The following CRADD variants were observed in gnomAD, a reference collection of about 807,000 sequenced individuals.
CRADD encodes CARD and death domain containing adaptor protein.
CRADD carries 9 observed loss-of-function variants against 15.5 expected under a neutral mutation model. The observed-to-expected ratio is 0.58, with a 90% CI of 0.35 to 1.01. The LOEUF (loss-of-function observed/expected upper bound fraction) is 1.01, where lower values mean the gene tolerates loss of function less well. Among genes scored for constraint, CRADD ranks in the 50% least tolerant of loss-of-function variants. The probability of loss-of-function intolerance (pLI) is 0.02; values close to 1 mark genes in which losing one functional copy is unlikely to be tolerated. For synonymous variants in CRADD, 118 were observed against 107.6 expected, an observed-to-expected ratio of 1.10 and a Z score of -0.60; for missense variants, 227 against 250.3, an observed-to-expected ratio of 0.91 and a Z score of 0.63.
chr12:93,871,570 C>A (rs1482684361), intron 2 of CRADD, among the ~76,000 whole-genome samples: 1 of 152,134 alleles, frequency 6.6e-6, no homozygotes, highest in Non-Finnish European at 1.5e-5. Flanking sequence ...CTCCCCACGA[C>A]CTTCCCAGCC....
At chr12:93,724,150 T>G (rs560600745) in intron 2 of CRADD, among the ~76,000 whole-genome samples, 2 of 151,944 alleles carry the variant, frequency 1.3e-5, no homozygotes, top group South Asian at 4.2e-4. Context: ...GAGGCCGAGG[T>G]GGGTAGATTA....
rs1389990107 is a variant in CRADD at position 93,824,654 on chromosome 12, T to G, written c.299-25316T>G. On this transcript the variant is annotated intron_variant, in intron 2 of 2. Transcript: ENST00000332896. The surrounding 1 kb of genome is among the most constrained non-coding windows in gnomAD (Gnocchi z 4.3). ...TCATTCTATGATACATTATCCGAGC[T>G]GAAGCTGAAACCTAGCCTTCTGCCG... is the stretch of plus-strand genomic sequence containing the variant. 6.6e-6 allele frequency among the ~76,000 whole-genome samples: 1 copy of G among 152,210 alleles called. No individual in the cohort carries two copies. Among genetic ancestry groups the G allele is most frequent in the African/African-American group, 2.4e-5 (1 of 41,456 alleles).
At chr12:93,787,115 C>T (rs1957286261) in intron 2 of CRADD, among the ~76,000 whole-genome samples, 1 of 146,908 alleles carries the variant, frequency 6.8e-6, no homozygotes, top group Non-Finnish European at 1.5e-5. Flanking sequence ...GCCCTTAGCA[C>T]ATTCTGCTGA....
intron 2 of CRADD, among the ~76,000 whole-genome samples, chr12:93,838,218 T>TTTG (rs1957999576): frequency 6.7e-6 from 1 of 148,918 alleles, no homozygotes; most frequent in African/African-American, 2.5e-5. Context: ...TTTGAGGTTT[T>TTTG]TTTTTTTTTT....
chr12:93,891,817 A>G (rs1958577958), intron 2 of CRADD, among the ~76,000 whole-genome samples: 2 of 152,154 alleles, frequency 1.3e-5, no homozygotes, highest in Non-Finnish European at 2.9e-5. Context: ...CGCACTTCTC[A>G]CCACACTGCC....
chr12:93,708,631 G>A (rs973999649), intron 2 of CRADD: 1 of 152,194 alleles, frequency 6.6e-6, no homozygotes, highest in East Asian at 1.9e-4. Context: ...TCTACTTCCT[G>A]TTCATCAACA....
intron 2 of CRADD, among the ~76,000 whole-genome samples, chr12:93,790,300 G>A (rs1013846760): frequency 1.3e-5 from 2 of 151,946 alleles, no homozygotes; most frequent in South Asian, 4.2e-4. Flanking sequence ...AGATAAACTT[G>A]AAACTCAACT....
intron 2 of CRADD, among the ~76,000 whole-genome samples, chr12:93,881,248 C>A (rs1958497875): frequency 6.6e-6 from 1 of 152,092 alleles, no homozygotes; most frequent in African/African-American, 2.4e-5. Flanking sequence ...AGACTGAGTC[C>A]TCTCAGAAAG....
At chr12:93,890,896 C>T (rs563815814) in intron 2 of CRADD, among the ~76,000 whole-genome samples, 20 of 151,630 alleles carry the variant, frequency 1.3e-4, no homozygotes, top group African/African-American at 3.9e-4. Flanking sequence ...ACTACAGGCA[C>T]GTGCCACACC....
intron 2 of CRADD, among the ~76,000 whole-genome samples, chr12:93,741,103 TAG>T (rs1224210929): frequency 2.0e-5 from 3 of 152,238 alleles, no homozygotes; most frequent in Non-Finnish European, 4.4e-5. Flanking sequence ...GGAGGAATGA[TAG>T]ATTTTGTGTA....
chr12:93,696,420 G>A (rs564686844), intron 2 of CRADD, among the ~76,000 whole-genome samples: 76 of 152,226 alleles, frequency 5.0e-4, no homozygotes, highest in South Asian at 1.4e-3. Context: ...AAGAAATACC[G>A]TCATTTGTGA....
chr12:93,827,928 C>T (rs534677460), intron 2 of CRADD, among the ~76,000 whole-genome samples: 1 of 152,164 alleles, frequency 6.6e-6, no homozygotes, highest in African/African-American at 2.4e-5. Context: ...CACTATTCTC[C>T]GTTTCTATGA....
chr12:93,766,844 G>A (rs1957031640), intron 2 of CRADD, among the ~76,000 whole-genome samples: 1 of 152,198 alleles, frequency 6.6e-6, no homozygotes, highest in Admixed American at 6.5e-5. Flanking sequence ...TATTCCTAGT[G>A]CCTAGAACAG....
At chr12:93,716,954 A>C (rs1364538784) in intron 2 of CRADD, among the ~76,000 whole-genome samples, 2 of 152,190 alleles carry the variant, frequency 1.3e-5, no homozygotes, top group African/African-American at 4.8e-5. Context: ...GAATTACCAA[A>C]CTGTCTTCCA....
intron 2 of CRADD, among the ~76,000 whole-genome samples, chr12:93,720,685 C>T (rs1956245311): frequency 1.3e-5 from 2 of 152,180 alleles, no homozygotes; most frequent in African/African-American, 4.8e-5. Context: ...TCTCTGATAA[C>T]CTTTCTTGCT....
intron 2 of CRADD, among the ~76,000 whole-genome samples, chr12:93,691,809 A>G (rs1639843700): frequency 6.6e-6 from 1 of 152,188 alleles, no homozygotes; most frequent in Non-Finnish European, 1.5e-5. Context: ...TAACTTCAAG[A>G]AAATCCAGAG....
At chr12:93,723,872 A>G (rs1380728364) in intron 2 of CRADD, among the ~76,000 whole-genome samples, 1 of 152,090 alleles carries the variant, frequency 6.6e-6, no homozygotes, top group Non-Finnish European at 1.5e-5. Flanking sequence ...GTTTCTGTTC[A>G]TCACATGGAA....
intron 2 of CRADD, among the ~76,000 whole-genome samples, chr12:93,858,685 G>T (rs990615058): frequency 9.9e-5 from 15 of 152,116 alleles, no homozygotes; most frequent in Non-Finnish European, 1.6e-4. Context: ...CCCCAAGATG[G>T]GTCATAGAAA....
At chr12:93,686,396 A>G (rs1955443919) in intron 2 of CRADD, among the ~76,000 whole-genome samples, 2 of 151,974 alleles carry the variant, frequency 1.3e-5, no homozygotes, top group African/African-American at 4.8e-5. Flanking sequence ...TTTAATTTAA[A>G]AAGAAAGACA....
Sources: gnomAD v4.1 joint callset for allele counts (sites outside exome capture counted in the v4.1 genomes callset) on GRCh38, gnomAD v4.1.1 for gene constraint, Gnocchi (gnomAD v3.1) non-coding constraint, MANE v1.5 for transcripts, NCBI Gene and HGNC (gene_info 2026-07-23, HGNC 2026-07-21) for gene names.